Variants in TECTA observed in about 807,000 individuals in gnomAD.
TECTA encodes tectorin alpha, also known as alpha-tectorin.
Under a neutral mutation model 216.8 loss-of-function variants are expected in TECTA, and 128 were observed. The observed-to-expected ratio is 0.59, with a 90% CI of 0.51 to 0.68. TECTA has a LOEUF of 0.68. Among genes scored for constraint, TECTA ranks in the 30% least tolerant of loss-of-function variants. TECTA has a pLI of 0.00. For synonymous variants in TECTA, 1,089 were observed against 1,117.1 expected (o/e 0.97, Z 0.50); for missense variants, 2,551 against 2,786.2 (o/e 0.92, Z 1.90).
chr11:121,134,357 T>A (rs557616), intron 10 of TECTA, among the ~76,000 whole-genome samples: 109,384 of 151,140 alleles, frequency 0.72, 40,831 homozygotes, highest in African/African-American at 0.92. Context: ...ACGCACACAC[T>A]TCTTTTTAAC....
chr11:121,112,923 CAG>C, intron 4 of TECTA, 147 bp from the exon 5 acceptor site: 1 of 909,368 alleles, frequency 1.1e-6, no homozygotes. Flanking sequence ...AGAACAAATT[CAG>C]AGAGGAGTCA....
At chr11:121,103,417 A>G (rs367570084) in intron 2 of TECTA, among the ~76,000 whole-genome samples, 109 of 152,322 alleles carry the variant, frequency 7.2e-4, no homozygotes, top group African/African-American at 2.4e-3. Context: ...GCACATGAGT[A>G]CAAGTCTGAG....
At chr11:121,126,382 C>A (rs1179108025) in intron 8 of TECTA, among the ~76,000 whole-genome samples, 2 of 152,190 alleles carry the variant, frequency 1.3e-5, no homozygotes, top group Non-Finnish European at 2.9e-5. Context: ...AGTAAAGAAG[C>A]CCTTTTTCTT....
Position 121,166,680 on chromosome 11 carries a change from G to C in TECTA, c.5486G>C (p.Gly1829Ala). Reference protein sequence around the residue: ...KLFQLGFEREGVRINDRQCTG... With the variant: ...KLFQLGFEREAVRINDRQCTG... Reference sequence around the variant, plus strand: ...TTCCAGCTCGGTTTTGAGAGGGAGGGCGTGAGGATCAATGACAGACAGTGC... The same window carrying C: ...TTCCAGCTCGGTTTTGAGAGGGAGGCCGTGAGGATCAATGACAGACAGTGC... Residue 1829 changes from glycine to alanine, a missense_variant, in exon 18 of 24, where the codon GGC becomes GCC. Gly to Ala is a moderately conservative substitution (Grantham distance 60). Coordinates refer to ENST00000392793, the MANE Select transcript of TECTA (RefSeq NM_005422.4). 1 of 1,614,190 alleles carries C rather than the reference G, an allele frequency of 6.2e-7. No individual in the cohort carries two copies. Among genetic ancestry groups the C allele is most frequent in the African/African-American group, 1.3e-5 (1 of 75,022 alleles).
intron 10 of TECTA, among the ~76,000 whole-genome samples, chr11:121,133,027 C>T (rs564268497): frequency 2.6e-4 from 39 of 152,292 alleles, no homozygotes; most frequent in African/African-American, 8.2e-4. Flanking sequence ...CCACCACGCC[C>T]GGCCAGTTTT....
Position 121,127,813 on chromosome 11 carries a change from C to T in TECTA, c.1836C>T (p.Asp612=). 16 of 1,614,220 alleles carry T rather than the reference C, an allele frequency of 9.9e-6. No individual in the cohort carries two copies. The highest frequency in any genetic ancestry group is 1.4e-5 in the Non-Finnish European group (16 of 1,180,048). Residue 612 remains aspartate, a synonymous_variant, in exon 9 of 24, where the codon GAC becomes GAT. Coordinates refer to ENST00000392793, the MANE Select transcript of TECTA (RefSeq NM_005422.4). This position sits in a 1 kb window ranked among gnomAD's most constrained non-coding sequence, Gnocchi z 5.0. The stretch of plus-strand genomic sequence containing the variant: ...CCGTGTGCACAAGCAGCTGCCCCGA[C>T]ACATGCTCCGACCTGACGGCCTCGC... ...HYSVCTSSCP[D]TCSDLTASRN...
chr11:121,112,363 A>T (rs1487164507), intron 4 of TECTA, among the ~76,000 whole-genome samples: 1 of 152,062 alleles, frequency 6.6e-6, no homozygotes, highest in East Asian at 1.9e-4. Context: ...ATTTCTAGTA[A>T]CTCATTTCCC....
chr11:121,160,520 C>T (rs929675335), intron 15 of TECTA, 99 bp downstream of exon 15: 23 of 1,506,404 alleles, frequency 1.5e-5, no homozygotes, highest in East Asian at 9.0e-5. Context: ...TAGCACTGCC[C>T]CTGCTCTCCT....
chr11:121,129,370 T>G (rs1946648312), intron 9 of TECTA, among the ~76,000 whole-genome samples: 1 of 152,234 alleles, frequency 6.6e-6, no homozygotes, highest in African/African-American at 2.4e-5. Context: ...AGACGATTTT[T>G]GCTCACACTT....
intron 11 of TECTA, 78 bp downstream of exon 11, chr11:121,138,100 A>G: frequency 6.2e-7 from 1 of 1,601,428 alleles, no homozygotes; most frequent in Non-Finnish European, 8.5e-7. Flanking sequence ...GCTGCAGCTG[A>G]ATCAGGCAGG....
chr11:121,130,240 C>T (rs1197143522), intron 10 of TECTA, 29 bp downstream of exon 10: 4 of 1,597,004 alleles, frequency 2.5e-6, no homozygotes, highest in Non-Finnish European at 2.5e-6. Context: ...CTGGGAGAGG[C>T]TTTCTAGCTG....
At chr11:121,125,086 C>A (rs1037022384) in intron 7 of TECTA, among the ~76,000 whole-genome samples, 6 of 152,248 alleles carry the variant, frequency 3.9e-5, no homozygotes, top group Non-Finnish European at 5.9e-5. Flanking sequence ...CAATCACAGC[C>A]CATATACACA....
At chr11:121,152,410 G>A (rs1276390384) in intron 12 of TECTA, among the ~76,000 whole-genome samples, 1 of 152,250 alleles carries the variant, frequency 6.6e-6, no homozygotes, top group Non-Finnish European at 1.5e-5. Flanking sequence ...AACTACATGG[G>A]TAAGGTGGGA....
At chr11:121,120,841 C>T (rs1285358594) in intron 7 of TECTA, among the ~76,000 whole-genome samples, 3 of 152,228 alleles carry the variant, frequency 2.0e-5, no homozygotes, top group Non-Finnish European at 4.4e-5. Flanking sequence ...GGAGCCAAGG[C>T]CAACTAGCCC....
In TECTA at chr11:121,167,961, G is replaced by A. The variant is rs924786258; in HGVS notation, c.5587-93G>A. The A allele has an allele frequency of 1.8e-5, 26 of 1,445,570 alleles. No homozygotes were observed. In the African/African-American group the frequency reaches 3.4e-4, roughly 19 times the overall value. The allele number at this position is 1,445,570 out of a possible 1,614,324, so 89.5% of individuals were successfully genotyped here. A position where few individuals can be genotyped will look rare whatever the true frequency, so the allele number is the denominator to read the frequency against. On this transcript the variant is annotated intron_variant, in intron 18 of 23. Coordinates refer to ENST00000392793, the MANE Select transcript of TECTA (RefSeq NM_005422.4). Reference sequence around the variant, plus strand: ...GCCTCTAAATTATGTATGGAAGGAAGCCATTTCTCCACTTTCAGGGATATG... The same window carrying A: ...GCCTCTAAATTATGTATGGAAGGAAACCATTTCTCCACTTTCAGGGATATG...
At chr11:121,181,468 T>TATTATG (rs2134209433) in intron 20 of TECTA, among the ~76,000 whole-genome samples, 1 of 151,008 alleles carries the variant, frequency 6.6e-6, no homozygotes, top group Admixed American at 6.6e-5. Flanking sequence ...TTATTATTAT[T>TATTATG]ATTATGATTT....
intron 23 of TECTA, 32 bp from the exon 24 acceptor site, chr11:121,190,674 A>G (rs1248192080): frequency 2.6e-6 from 4 of 1,541,916 alleles, no homozygotes; most frequent in Non-Finnish European, 2.7e-6. Flanking sequence ...TTTTCCCCCC[A>G]TAGGGCTTAC....
chr11:121,134,228 A>G (rs1172196864), intron 10 of TECTA, among the ~76,000 whole-genome samples: 3 of 151,986 alleles, frequency 2.0e-5, no homozygotes, highest in Non-Finnish European at 2.9e-5. Flanking sequence ...GGGGAATGTT[A>G]TTAGAAACCA....
intron 20 of TECTA, among the ~76,000 whole-genome samples, chr11:121,186,800 A>G (rs1427328812): frequency 1.3e-5 from 2 of 152,232 alleles, no homozygotes; most frequent in African/African-American, 4.8e-5. Context: ...GAAAGGAAAT[A>G]TAAGGAAAAG....
Sources: gnomAD v4.1 joint callset for allele counts (sites outside exome capture counted in the v4.1 genomes callset) on GRCh38, gnomAD v4.1.1 for gene constraint, Gnocchi (gnomAD v3.1) non-coding constraint, MANE v1.5 for transcripts, NCBI Gene and HGNC (gene_info 2026-07-23, HGNC 2026-07-21) for gene names.